SYTL2: variants seen among roughly 807,000 people sequenced by gnomAD.
The protein encoded by SYTL2 is synaptotagmin like 2.
In SYTL2, 165 loss-of-function variants were observed where a neutral mutation model predicts 198.7. That is an observed-to-expected ratio of 0.83 (90% CI 0.73 to 0.94). SYTL2 has a LOEUF of 0.94. Among genes scored for constraint, SYTL2 ranks in the 40% least tolerant of loss-of-function variants. SYTL2 has a pLI of 0.00. For missense variants in SYTL2, 2,835 were observed against 2,582.8 expected (o/e 1.10, Z -2.12); for synonymous variants, 966 against 917.7 (o/e 1.05, Z -0.95).
At chr11:85,756,208 G>A (rs1363524357) in intron 2 of SYTL2, among the ~76,000 whole-genome samples, 3 of 152,182 alleles carry the variant, frequency 2.0e-5, no homozygotes, top group Non-Finnish European at 4.4e-5. Context: ...TAATGCCTGG[G>A]TTAGTGACAA....
chr11:85,762,507 C>T (rs917071468), intron 1 of SYTL2, among the ~76,000 whole-genome samples: 1 of 152,184 alleles, frequency 6.6e-6, no homozygotes, highest in Admixed American at 6.5e-5. Context: ...ACCAACTTCC[C>T]ACTGACCATT....
At chr11:85,703,524 A>G (rs1056430818) in intron 16 of SYTL2, among the ~76,000 whole-genome samples, 3 of 152,204 alleles carry the variant, frequency 2.0e-5, no homozygotes, top group African/African-American at 7.2e-5. Context: ...CAACAGAGCA[A>G]AAATATCCCT....
chr11:85,736,125 G>A (rs1485598698), intron 6 of SYTL2, among the ~76,000 whole-genome samples: 2 of 152,196 alleles, frequency 1.3e-5, no homozygotes, highest in African/African-American at 4.8e-5. Flanking sequence ...TTGTCAACAG[G>A]CTTTTTCTTC....
At chr11:85,770,771 C>T (rs1271470686) in intron 1 of SYTL2, among the ~76,000 whole-genome samples, 2 of 152,210 alleles carry the variant, frequency 1.3e-5, no homozygotes, top group Non-Finnish European at 2.9e-5. Flanking sequence ...GAAACTGCTC[C>T]TGCAGCCCAT....
At chr11:85,713,630 A>T (rs978487761) in intron 12 of SYTL2, among the ~76,000 whole-genome samples, 2 of 152,188 alleles carry the variant, frequency 1.3e-5, no homozygotes, top group Admixed American at 1.3e-4. Context: ...GGATTTGGGG[A>T]AAGTTATTTA....
In SYTL2 at chr11:85,704,885, T is replaced by C. The variant is rs2084886354; in HGVS notation, c.6162A>G (p.Gln2054=). Residue 2054 remains glutamine, a synonymous_variant, in exon 16 of 20, where the codon CAA becomes CAG. Transcript: ENST00000359152. ...TCCGCTTCAGAGGGTACCATCTCAA[T>C]TGTTTATTCTGTTTGTTATCCCAGT... is the stretch of plus-strand genomic sequence containing the variant. The part of the protein sequence containing the change: ...TWDWDNKQNK[Q]LRWYPLKRKT... 2 of 1,613,534 alleles carry C rather than the reference T, an allele frequency of 1.2e-6. No homozygotes were observed. Among genetic ancestry groups the C allele is most frequent in the Non-Finnish European group, 1.7e-6 (2 of 1,179,662 alleles).
intron 1 of SYTL2, among the ~76,000 whole-genome samples, chr11:85,803,429 G>GAA: frequency 6.6e-6 from 1 of 152,182 alleles, no homozygotes; most frequent in Admixed American, 6.5e-5. Context: ...TCTAGTCCTG[G>GAA]GTGGTGCTGC....
intron 5 of SYTL2, 78 bp from the exon 6 acceptor site, chr11:85,736,693 T>C (rs1286878064): frequency 1.3e-6 from 1 of 751,790 alleles, no homozygotes; most frequent in Admixed American, 2.5e-5. Context: ...CCTATTATCT[T>C]CAATTTTGAT....
In SYTL2 at chr11:85,694,990, A is replaced by G; in HGVS notation, c.*205T>C. 2.4e-6 allele frequency: 1 copy of G among 408,414 alleles called. No homozygotes were observed. Among genetic ancestry groups the G allele is most frequent in the Non-Finnish European group, 4.3e-6 (1 of 233,942 alleles). The allele number at this position is 408,414 out of a possible 1,614,324, so 25.3% of individuals were successfully genotyped here. On this transcript the variant is annotated 3_prime_UTR_variant, in exon 20 of 20. Transcript: ENST00000359152. Reference sequence around the variant, plus strand: ...GTTCAAATATCTTATTTAATATTAGAGTCACAAATTACACATTTTGTTATA... The same window carrying G: ...GTTCAAATATCTTATTTAATATTAGGGTCACAAATTACACATTTTGTTATA...
At chr11:85,782,403 G>T (rs776241907) in intron 1 of SYTL2, among the ~76,000 whole-genome samples, 2 of 152,128 alleles carry the variant, frequency 1.3e-5, no homozygotes, top group Admixed American at 6.5e-5. Flanking sequence ...TGTGATGGGT[G>T]GGGGGGCTGC....
the SYTL2 span, among the ~76,000 whole-genome samples, chr11:85,824,494 A>T: frequency 6.6e-6 from 1 of 152,186 alleles, no homozygotes; most frequent in African/African-American, 2.4e-5. Flanking sequence ...TTCACTGAAG[A>T]TTTCCCACTA....
chr11:85,800,078 T>C (rs1166298929), intron 1 of SYTL2, among the ~76,000 whole-genome samples: 1 of 152,150 alleles, frequency 6.6e-6, no homozygotes, highest in African/African-American at 2.4e-5. Context: ...CTACAGGTAG[T>C]GATGCACACA....
the SYTL2 span, among the ~76,000 whole-genome samples, chr11:85,840,631 A>G: frequency 4.6e-5 from 7 of 151,958 alleles, no homozygotes; most frequent in African/African-American, 1.7e-4. Flanking sequence ...ATGGGGAAAA[A>G]CTCCCTATTC....
intron 4 of SYTL2, 46 bp from the exon 5 acceptor site, chr11:85,737,702 G>T: frequency 6.5e-7 from 1 of 1,528,534 alleles, no homozygotes. Context: ...CACCTTTTGA[G>T]GAATCATAAA....
At chr11:85,708,633 T>C (rs1429403948) in intron 14 of SYTL2, among the ~76,000 whole-genome samples, 1 of 152,140 alleles carries the variant, frequency 6.6e-6, no homozygotes, top group Non-Finnish European at 1.5e-5. Flanking sequence ...GTGTCCCATG[T>C]ATCCCTAATT....
chr11:85,711,752 G>C (rs1423928579), intron 12 of SYTL2, among the ~76,000 whole-genome samples: 2 of 149,990 alleles, frequency 1.3e-5, no homozygotes, highest in Non-Finnish European at 3.0e-5. Context: ...TCAACTCAAG[G>C]CCATATATAT....
At chr11:85,817,390 T>C in the SYTL2 span, among the ~76,000 whole-genome samples, 28 of 152,348 alleles carry the variant, frequency 1.8e-4, no homozygotes, top group Admixed American at 1.6e-3. Context: ...TGAGACGTAC[T>C]GTAAGTGTAA....
chr11:85,757,705 C>A lies in SYTL2; in HGVS notation c.21G>T (p.Leu7=). The change falls in exon 2 of 20, where the codon CTG becomes CTT. Residue 7 remains leucine (L), a synonymous_variant. Coordinates refer to ENST00000359152, the MANE Select transcript of SYTL2 (RefSeq NM_206927.4). The stretch of plus-strand genomic sequence containing the variant: ...TGATGGCCTCTTGTTCCTCTTCAGT[C>A]AGGAAGCTTAAGTCAATCATTTTGA... MIDLSF[L]TEEEQEAIMK... The A allele has an allele frequency of 6.2e-7, 1 of 1,613,324 alleles. No individual in the cohort carries two copies. The highest frequency in any genetic ancestry group is 1.1e-5 in the South Asian group (1 of 91,072).
chr11:85,747,823 T>A (rs1459550779), intron 3 of SYTL2, among the ~76,000 whole-genome samples: 1 of 152,106 alleles, frequency 6.6e-6, no homozygotes, highest in African/African-American at 2.4e-5. Context: ...AACAAGAAGG[T>A]TTTTCCATTA....
Sources: allele counts gnomAD v4.1 joint callset (sites outside exome capture counted in the v4.1 genomes callset), GRCh38; gene constraint gnomAD v4.1.1; transcripts MANE v1.5; gene names NCBI Gene and HGNC (gene_info 2026-07-23, HGNC 2026-07-21).